GABRB1: variants seen among roughly 807,000 people sequenced by gnomAD.
GABRB1 encodes the protein gamma-aminobutyric acid receptor subunit beta-1.
In GABRB1, 17 loss-of-function variants were observed where a neutral mutation model predicts 51.6. The observed-to-expected ratio is 0.33, with a 90% CI of 0.23 to 0.49. GABRB1 has a LOEUF of 0.49. GABRB1 is among the 20% of genes least tolerant of loss of function. GABRB1 has a pLI of 0.99. For synonymous variants in GABRB1, 247 were observed against 218.9 expected, an observed-to-expected ratio of 1.13 and a Z score of -1.14; for missense variants, 410 against 600.6, an observed-to-expected ratio of 0.68 and a Z score of 3.32.
intron 5 of GABRB1, among the ~76,000 whole-genome samples, chr4:47,353,728 T>C (rs1380629995): frequency 1.3e-5 from 2 of 152,202 alleles, no homozygotes; most frequent in Non-Finnish European, 2.9e-5. Flanking sequence ...AAGCCTATTA[T>C]AAAAACAGCA....
At chr4:47,248,838 G>C (rs1356434395) in intron 4 of GABRB1, among the ~76,000 whole-genome samples, 1 of 151,960 alleles carries the variant, frequency 6.6e-6, no homozygotes, top group East Asian at 1.9e-4. Flanking sequence ...TATTGCAGTG[G>C]TGTCAGTTGT....
chr4:47,074,990 AGCT>A (rs566372943), intron 3 of GABRB1, among the ~76,000 whole-genome samples: 3 of 152,282 alleles, frequency 2.0e-5, no homozygotes, highest in African/African-American at 7.2e-5. Context: ...GATGAGGAAG[AGCT>A]GCTTTTAGAG....
chr4:47,303,965 T>G (rs1315749194), intron 4 of GABRB1, among the ~76,000 whole-genome samples: 1 of 152,042 alleles, frequency 6.6e-6, no homozygotes, highest in Admixed American at 6.6e-5. Context: ...CCTCTAGGTT[T>G]ATCCATGCTA....
chr4:47,091,310 A>G (rs1489527616), intron 3 of GABRB1, among the ~76,000 whole-genome samples: 2 of 152,178 alleles, frequency 1.3e-5, no homozygotes, highest in East Asian at 3.8e-4. Flanking sequence ...GTTAACTTTT[A>G]ACTTCTCTTA....
chr4:47,353,650 A>G (rs1726445746), intron 5 of GABRB1, among the ~76,000 whole-genome samples: 1 of 152,182 alleles, frequency 6.6e-6, no homozygotes, highest in African/African-American at 2.4e-5. Flanking sequence ...TACACAGTAG[A>G]CATTCATTTC....
intron 1 of GABRB1, among the ~76,000 whole-genome samples, chr4:47,004,044 C>T (rs967659118): frequency 6.6e-6 from 1 of 152,096 alleles, no homozygotes; most frequent in Non-Finnish European, 1.5e-5. Context: ...GGCTGGAGTG[C>T]AGTGGTGCCA....
chr4:47,032,048 C>A (rs1239435902), intron 2 of GABRB1, 43 bp downstream of exon 2: 6 of 1,176,880 alleles, frequency 5.1e-6, no homozygotes, highest in East Asian at 2.9e-5. Context: ...ATCCTTAGTT[C>A]TCCTTTTCTG....
At chr4:47,113,194 T>C (rs1032656462) in intron 3 of GABRB1, among the ~76,000 whole-genome samples, 1 of 152,080 alleles carries the variant, frequency 6.6e-6, no homozygotes, top group African/African-American at 2.4e-5. Flanking sequence ...GAGATCAGCC[T>C]GGCTAACATA....
chr4:47,228,783 G>A (rs1721041328), intron 4 of GABRB1, among the ~76,000 whole-genome samples: 1 of 152,070 alleles, frequency 6.6e-6, no homozygotes, highest in Non-Finnish European at 1.5e-5. Context: ...CCCGTGGTGT[G>A]GAGCCATAAT....
chr4:47,292,552 C>T (rs555340714), intron 4 of GABRB1, among the ~76,000 whole-genome samples: 64 of 152,324 alleles, frequency 4.2e-4, no homozygotes, highest in African/African-American at 1.4e-3. Flanking sequence ...AACAGTACAT[C>T]CCCTGAGCTT....
intron 3 of GABRB1, among the ~76,000 whole-genome samples, chr4:47,107,499 T>C (rs1459881756): frequency 6.6e-6 from 1 of 152,110 alleles, no homozygotes; most frequent in African/African-American, 2.4e-5. Flanking sequence ...GGTATCATTG[T>C]TTTCAGTACA....
chr4:47,039,326 A>G (rs1725729310), intron 3 of GABRB1, among the ~76,000 whole-genome samples: 1 of 147,680 alleles, frequency 6.8e-6, no homozygotes, highest in African/African-American at 2.5e-5. Context: ...TTCCAGTAGC[A>G]TTGATCCAAC....
chr4:47,080,401 T>C (rs7676525), intron 3 of GABRB1, among the ~76,000 whole-genome samples: 121,081 of 152,056 alleles, frequency 0.8, 48,609 homozygotes, highest in South Asian at 0.85. Flanking sequence ...TGAAATGGAA[T>C]TAATAATACT....
At chr4:47,030,725 G>A (rs182628322), upstream of GABRB1, among the ~76,000 whole-genome samples, 247 of 152,214 alleles carry the variant, frequency 1.6e-3, 1 homozygote, top group South Asian at 6.7e-3. Context: ...ACCTACTGGC[G>A]AACAGAGGTT....
chr4:47,260,003 A>AG (rs34196080), intron 4 of GABRB1, among the ~76,000 whole-genome samples: 134,600 of 152,092 alleles, frequency 0.88, 59,812 homozygotes, highest in East Asian at 0.98. Context: ...TATGAATCTG[A>AG]TGCTCCTGTA....
intron 3 of GABRB1, among the ~76,000 whole-genome samples, chr4:47,147,572 A>G (rs1426430133): frequency 1.3e-5 from 2 of 152,100 alleles, no homozygotes; most frequent in Non-Finnish European, 2.9e-5. Flanking sequence ...GCACCCAGCT[A>G]ATTTCCACAC....
intron 5 of GABRB1, among the ~76,000 whole-genome samples, chr4:47,343,435 A>G (rs1486223181): frequency 6.6e-6 from 1 of 152,186 alleles, no homozygotes; most frequent in Admixed American, 6.5e-5. Flanking sequence ...GCCAGTAGAA[A>G]TTTCTTTAAT....
intron 3 of GABRB1, among the ~76,000 whole-genome samples, chr4:47,084,647 T>C (rs529003224): frequency 2.8e-4 from 43 of 152,298 alleles, no homozygotes; most frequent in African/African-American, 9.1e-4. Flanking sequence ...ACTTTGGGGT[T>C]TCCCTTACCT....
intron 4 of GABRB1, among the ~76,000 whole-genome samples, chr4:47,202,315 T>C (rs903340888): frequency 6.6e-6 from 1 of 152,096 alleles, no homozygotes; most frequent in African/African-American, 2.4e-5. Context: ...TGATTGTAAG[T>C]TTCCTGAGGC....
Sources: allele counts gnomAD v4.1 joint callset (sites outside exome capture counted in the v4.1 genomes callset), GRCh38; gene constraint gnomAD v4.1.1; transcripts MANE v1.5; gene names NCBI Gene and HGNC (gene_info 2026-07-23, HGNC 2026-07-21).